CDC14B: variants seen among roughly 807,000 people sequenced by gnomAD.
CDC14B encodes cell division cycle 14B.
Under a neutral mutation model 64.2 loss-of-function variants are expected in CDC14B, and 22 were observed. The observed-to-expected ratio is 0.34, with a 90% CI of 0.24 to 0.49. CDC14B has a LOEUF of 0.49. Ranked by LOEUF, CDC14B falls within the 20% of genes least tolerant of loss-of-function variation. CDC14B has a pLI of 0.99. For synonymous variants in CDC14B, 191 were observed against 215.8 expected, an observed-to-expected ratio of 0.89 and a Z score of 1.01; for missense variants, 498 against 629.9, an observed-to-expected ratio of 0.79 and a Z score of 2.24.
At chr9:96,518,433 T>C (rs967012078) in intron 12 of CDC14B, among the ~76,000 whole-genome samples, 1 of 152,100 alleles carries the variant, frequency 6.6e-6, no homozygotes, top group African/African-American at 2.4e-5. Flanking sequence ...GAGAATCACT[T>C]GAACCCATAA....
rs1030222386 is a variant in CDC14B, at chr9:96,503,796, G to A, written c.1461-7C>T. On this transcript the variant is annotated splice_region_variant and splice_polypyrimidine_tract_variant and intron_variant, in intron 13 of 13. Coordinates refer to ENST00000375241, the MANE Select transcript of CDC14B (RefSeq NM_033331.4). ...AGTCCTTGAAATGGAGAGACTACAG[G>A]GGGAAAAAAAAGGATTTTTACCAGA... The A allele has an allele frequency of 2.5e-6, 4 of 1,612,016 alleles. No homozygotes were observed. The highest frequency in any genetic ancestry group is 1.1e-5 in the South Asian group (1 of 90,632).
rs59101582 is a variant in CDC14B, at chr9:96,519,730, TAAAAAAAAAAA to T, written c.1343+2765_1343+2775del. On this transcript the variant is annotated intron_variant, in intron 12 of 13. Coordinates refer to ENST00000375241, the MANE Select transcript of CDC14B (RefSeq NM_033331.4). The stretch of plus-strand genomic sequence containing the variant: ...CGGCCAACAGAGCAAGACTCTGTCT[TAAAAAAAAAAA>T]AAAAAAAAAAAAGAGAAACCAATCA... Among the ~76,000 whole-genome samples the T allele has an allele frequency of 1.2e-4, 13 of 111,368 alleles. 1 individual carries two copies. Among genetic ancestry groups the T allele is most frequent in the South Asian group, 6.1e-4 (2 of 3,258 alleles). 73.1% of individuals were successfully genotyped at this position (111,368 alleles called of 152,430 possible).
intron 3 of CDC14B, among the ~76,000 whole-genome samples, 155 bp downstream of exon 3, chr9:96,564,622 T>C (rs1843669051): frequency 1.3e-5 from 2 of 152,188 alleles, no homozygotes; most frequent in Non-Finnish European, 2.9e-5. Context: ...ATAGATACAC[T>C]ATGATCTTAT....
downstream of CDC14B, among the ~76,000 whole-genome samples, chr9:96,495,452 G>T (rs1319204716): frequency 6.7e-6 from 1 of 149,090 alleles, no homozygotes; most frequent in Non-Finnish European, 1.5e-5. Context: ...AGTGTGCCTG[G>T]CACTCCCTGG....
At chr9:96,509,101 T>C (rs758690006) in intron 13 of CDC14B, among the ~76,000 whole-genome samples, 1 of 152,194 alleles carries the variant, frequency 6.6e-6, no homozygotes, top group African/African-American at 2.4e-5. Flanking sequence ...AAAAATGACA[T>C]GTCCACTTCA....
chr9:96,590,965 TTTG>T (rs1445775228), intron 1 of CDC14B, among the ~76,000 whole-genome samples: 1 of 152,204 alleles, frequency 6.6e-6, no homozygotes, highest in African/African-American at 2.4e-5. Flanking sequence ...TTTGTTTTCA[TTTG>T]TTAAGTTGCA....
chr9:96,607,492 C>T (rs1038925866), intron 1 of CDC14B, among the ~76,000 whole-genome samples: 1 of 146,652 alleles, frequency 6.8e-6, no homozygotes, highest in African/African-American at 2.6e-5. Context: ...GCCATCTCGG[C>T]TCACTGCAAG....
chr9:96,605,844 A>G (rs1846872373), intron 1 of CDC14B, among the ~76,000 whole-genome samples: 1 of 150,952 alleles, frequency 6.6e-6, no homozygotes, highest in Non-Finnish European at 1.5e-5. Context: ...CTGTGCAACA[A>G]GAGCGAAATT....
At chr9:96,507,842 G>C (rs1165598667) in intron 13 of CDC14B, among the ~76,000 whole-genome samples, 1 of 151,926 alleles carries the variant, frequency 6.6e-6, no homozygotes, top group Non-Finnish European at 1.5e-5. Context: ...CCACCAACCA[G>C]AACTTTTATT....
chr9:96,586,771 C>T (rs1194992594), intron 1 of CDC14B, among the ~76,000 whole-genome samples: 1 of 151,978 alleles, frequency 6.6e-6, no homozygotes, highest in East Asian at 1.9e-4. Context: ...AAAATTGGCA[C>T]AAAGGAAAAT....
chr9:96,567,817 C>G (rs1274923773), intron 1 of CDC14B, among the ~76,000 whole-genome samples: 1 of 152,110 alleles, frequency 6.6e-6, no homozygotes, highest in Non-Finnish European at 1.5e-5. Flanking sequence ...TAAAAGAGTA[C>G]AACCGGAGTG....
chr9:96,606,530 TG>T (rs1846945913), intron 1 of CDC14B, among the ~76,000 whole-genome samples: 2 of 54,210 alleles, frequency 3.7e-5, no homozygotes, highest in Non-Finnish European at 7.0e-5. Flanking sequence ...TAAAAGTTTG[TG>T]TGTGTGTGTG....
intron 1 of CDC14B, among the ~76,000 whole-genome samples, chr9:96,602,014 G>A (rs531515325): frequency 3.3e-5 from 5 of 152,052 alleles, no homozygotes; most frequent in East Asian, 1.9e-4. Flanking sequence ...AGCCAGGATC[G>A]CGCCACTGCA....
At chr9:96,574,139 T>A (rs1347009737) in intron 1 of CDC14B, among the ~76,000 whole-genome samples, 4 of 148,112 alleles carry the variant, frequency 2.7e-5, no homozygotes, top group Non-Finnish European at 5.9e-5. Context: ...AGAGTGAGAC[T>A]CCATCTCAAA....
chr9:96,568,526 G>C (rs1364854056), intron 1 of CDC14B, among the ~76,000 whole-genome samples: 2 of 152,204 alleles, frequency 1.3e-5, no homozygotes, highest in Non-Finnish European at 2.9e-5. Flanking sequence ...GGGAGGTTGA[G>C]AGCACTCACA....
chr9:96,586,779 A>T (rs1437681857), intron 1 of CDC14B, among the ~76,000 whole-genome samples: 1 of 152,140 alleles, frequency 6.6e-6, no homozygotes, highest in Non-Finnish European at 1.5e-5. Context: ...CACAAAGGAA[A>T]ATTCATGGAA....
intron 9 of CDC14B, among the ~76,000 whole-genome samples, chr9:96,533,248 C>T (rs375114220): frequency 1.3e-5 from 2 of 152,210 alleles, no homozygotes; most frequent in East Asian, 1.9e-4. Flanking sequence ...GGATTATAGG[C>T]GTGAGCCACC....
At chr9:96,596,273 A>C (rs1199591205) in intron 1 of CDC14B, among the ~76,000 whole-genome samples, 8 of 151,490 alleles carry the variant, frequency 5.3e-5, no homozygotes, top group African/African-American at 1.7e-4. Context: ...GAGACAGGAG[A>C]ATTGCTTGAA....
At chr9:96,613,951 A>G (rs1223510537) in intron 1 of CDC14B, among the ~76,000 whole-genome samples, 1 of 152,246 alleles carries the variant, frequency 6.6e-6, no homozygotes, top group Non-Finnish European at 1.5e-5. Flanking sequence ...TGAATTTTAA[A>G]GATCTTAAAA....
Sources: gnomAD v4.1 joint callset for allele counts (sites outside exome capture counted in the v4.1 genomes callset) on GRCh38, gnomAD v4.1.1 for gene constraint, MANE v1.5 for transcripts, NCBI Gene and HGNC (gene_info 2026-07-23, HGNC 2026-07-21) for gene names.